COLEC12: variants seen among roughly 807,000 people sequenced by gnomAD.
COLEC12 encodes the protein collectin subfamily member 12, also known as collectin-12.
A neutral mutation model predicts 71.1 loss-of-function variants in COLEC12; 33 were observed. The observed-to-expected ratio is 0.46, with a 90% CI of 0.35 to 0.62. The LOEUF is 0.62. Among genes scored for constraint, COLEC12 ranks in the 20% least tolerant of loss-of-function variants. The pLI is 0.00. For missense variants in COLEC12, 765 were observed against 916.1 expected (o/e 0.84, Z 2.13); for synonymous variants, 350 against 353.0 (o/e 0.99, Z 0.10).
rs199705693 is a variant in COLEC12, at chr18:408,614, A to G, written c.59-51092T>C. Among the ~76,000 whole-genome samples the G allele has an allele frequency of 0.081, 11,164 of 137,178 alleles. 531 individuals are homozygous for G. The highest frequency in any genetic ancestry group is 0.14 in the Admixed American group (2,018 of 14,292). The allele number at this position is 137,178 out of a possible 152,430, so 90.0% of individuals were successfully genotyped here. On this transcript the variant is annotated intron_variant, in intron 2 of 9. Coordinates refer to ENST00000400256, the MANE Select transcript of COLEC12 (RefSeq NM_130386.3). This position sits in a 1 kb window ranked among gnomAD's most constrained non-coding sequence, Gnocchi z 4.3. ...ATTACCAAATATTGAGAAAAAGGAA[A>G]AAAAAAAAAGACAGGAAAATAAAAG...
intron 2 of COLEC12, among the ~76,000 whole-genome samples, chr18:470,581 T>TA (rs879655575): frequency 0.018 from 2,633 of 148,510 alleles, 55 homozygotes; most frequent in Non-Finnish European, 0.016. Context: ...ACCCTGTCTC[T>TA]AAAAAAAAAA....
intron 2 of COLEC12, among the ~76,000 whole-genome samples, chr18:373,567 G>A (rs1915048464): frequency 6.6e-6 from 1 of 152,214 alleles, no homozygotes; most frequent in Non-Finnish European, 1.5e-5. Flanking sequence ...CATAAACTGT[G>A]CATGGCTTAC....
intron 1 of COLEC12, among the ~76,000 whole-genome samples, chr18:485,243 T>C (rs1345803712): frequency 2.0e-5 from 3 of 152,228 alleles, no homozygotes; most frequent in African/African-American, 7.2e-5. Context: ...GAGATTCTTC[T>C]GAGGTCAGTC....
At chr18:325,742 C>T (rs900973610) in intron 8 of COLEC12, among the ~76,000 whole-genome samples, 1 of 147,842 alleles carries the variant, frequency 6.8e-6, no homozygotes, top group Admixed American at 7.0e-5. Flanking sequence ...CAGCTCACTG[C>T]AGCCTCAACC....
intron 2 of COLEC12, among the ~76,000 whole-genome samples, chr18:371,454 A>G (rs190794272): frequency 2.0e-4 from 31 of 152,254 alleles, no homozygotes; most frequent in Middle Eastern, 3.4e-3. Flanking sequence ...CACGGAAGAG[A>G]AATGTTTATC....
At chr18:374,287 T>C (rs906090698) in intron 2 of COLEC12, among the ~76,000 whole-genome samples, 3 of 152,214 alleles carry the variant, frequency 2.0e-5, no homozygotes, top group African/African-American at 7.2e-5. Flanking sequence ...CAAATACAGA[T>C]ATTATGGACT....
intron 2 of COLEC12, among the ~76,000 whole-genome samples, chr18:406,802 C>T (rs1194844092): frequency 6.6e-6 from 1 of 152,214 alleles, no homozygotes; most frequent in African/African-American, 2.4e-5. Context: ...TCTCTTGTGT[C>T]GTTGTGTAAT....
intron 2 of COLEC12, among the ~76,000 whole-genome samples, chr18:455,782 A>T (rs1395229591): frequency 1.3e-5 from 2 of 152,110 alleles, no homozygotes; most frequent in Non-Finnish European, 2.9e-5. Context: ...TTTGCTGAGA[A>T]TGATGGCTTC....
At chr18:398,789 T>G (rs991297413) in intron 2 of COLEC12, among the ~76,000 whole-genome samples, 1 of 152,244 alleles carries the variant, frequency 6.6e-6, no homozygotes. Context: ...ACTGAAGACA[T>G]GTACTGAGGA....
intron 2 of COLEC12, among the ~76,000 whole-genome samples, chr18:468,839 C>T (rs1023359711): frequency 1.3e-5 from 2 of 152,210 alleles, no homozygotes; most frequent in African/African-American, 2.4e-5. Context: ...ATCTTATTCA[C>T]GGACTTCACT....
chr18:445,980 T>C (rs1916641077), intron 2 of COLEC12, among the ~76,000 whole-genome samples: 1 of 152,164 alleles, frequency 6.6e-6, no homozygotes, highest in African/African-American at 2.4e-5. Context: ...ACACTTCATA[T>C]AAATGGAATC....
intron 2 of COLEC12, among the ~76,000 whole-genome samples, chr18:435,791 T>C (rs1598362436): frequency 1.3e-5 from 2 of 152,358 alleles, no homozygotes; most frequent in South Asian, 2.1e-4. Flanking sequence ...AGTTCATTTG[T>C]TTTCAAAATG....
At chr18:336,658 C>T (rs1016153105) in intron 5 of COLEC12, among the ~76,000 whole-genome samples, 12 of 151,966 alleles carry the variant, frequency 7.9e-5, no homozygotes, top group African/African-American at 2.7e-4. Flanking sequence ...ACTATTTGTT[C>T]GAGGATACTT....
chr18:438,802 C>CAAAAAA (rs55912485), intron 2 of COLEC12, among the ~76,000 whole-genome samples: 1 of 132,712 alleles, frequency 7.5e-6, no homozygotes. Context: ...GACCTTGTCT[C>CAAAAAA]AAAAAAAAAA....
intron 8 of COLEC12, among the ~76,000 whole-genome samples, chr18:328,430 A>T (rs1421107517): frequency 6.6e-6 from 1 of 152,096 alleles, no homozygotes; most frequent in East Asian, 1.9e-4. Flanking sequence ...TTCTTCACAC[A>T]CCTGTTGTGG....
chr18:431,849 T>C (rs1916310799), intron 2 of COLEC12, among the ~76,000 whole-genome samples: 1 of 152,170 alleles, frequency 6.6e-6, no homozygotes, highest in Non-Finnish European at 1.5e-5. Context: ...AGCCACTTAT[T>C]GAACTCTTGC....
intron 2 of COLEC12, among the ~76,000 whole-genome samples, chr18:478,233 C>G (rs1056517698): frequency 1.3e-5 from 2 of 152,208 alleles, no homozygotes; most frequent in African/African-American, 2.4e-5. Context: ...CCAGAATCTT[C>G]TAACCCCAGC....
intron 1 of COLEC12, among the ~76,000 whole-genome samples, chr18:499,135 C>A (rs1277355276): frequency 6.6e-6 from 1 of 152,130 alleles, no homozygotes; most frequent in Non-Finnish European, 1.5e-5. Context: ...CAATCAGAGC[C>A]AGCTAAGGAA....
chr18:356,779 T>C (rs998937471), intron 3 of COLEC12, among the ~76,000 whole-genome samples: 1 of 152,214 alleles, frequency 6.6e-6, no homozygotes, highest in Non-Finnish European at 1.5e-5. Flanking sequence ...TCTGCAAGTC[T>C]GGAGGATTCA....
Sources: gnomAD v4.1 joint callset for allele counts (sites outside exome capture counted in the v4.1 genomes callset) on GRCh38, gnomAD v4.1.1 for gene constraint, Gnocchi (gnomAD v3.1) non-coding constraint, MANE v1.5 for transcripts, NCBI Gene and HGNC (gene_info 2026-07-23, HGNC 2026-07-21) for gene names.